Variants in OPCML observed in about 807,000 individuals in gnomAD.
The protein encoded by OPCML is opioid binding protein/cell adhesion molecule like, also known as opioid-binding protein/cell adhesion molecule.
OPCML carries 13 observed loss-of-function variants against 37.8 expected under a neutral mutation model. That is an observed-to-expected ratio of 0.34 (90% confidence interval 0.22 to 0.55). The LOEUF is 0.55. Among genes scored for constraint, OPCML ranks in the 20% least tolerant of loss-of-function variants. The pLI is 0.91. For missense variants in OPCML, 341 were observed against 435.6 expected (o/e 0.78, Z 1.93); for synonymous variants, 176 against 168.8 (o/e 1.04, Z -0.33).
chr11:132,754,851 G>C (rs1164120048), intron 2 of OPCML, among the ~76,000 whole-genome samples: 1 of 152,124 alleles, frequency 6.6e-6, no homozygotes, highest in Non-Finnish European at 1.5e-5. Context: ...CTAGTTTCTG[G>C]AAATCAAGCA....
intron 3 of OPCML, among the ~76,000 whole-genome samples, chr11:132,589,399 A>T (rs2096480466): frequency 6.6e-6 from 1 of 152,188 alleles, no homozygotes; most frequent in African/African-American, 2.4e-5. Context: ...ATTTTGTGCC[A>T]AATACTGAGA....
At chr11:132,930,609 A>G (rs767695734) in intron 2 of OPCML, among the ~76,000 whole-genome samples, 2 of 152,204 alleles carry the variant, frequency 1.3e-5, no homozygotes, top group African/African-American at 4.8e-5. Flanking sequence ...TTTTATTTCC[A>G]ATAGCATCAA....
In OPCML at chr11:133,413,846, C is replaced by CCAATTGG. The variant is rs558330428; in HGVS notation, c.61+118411_61+118417dup. Among the ~76,000 whole-genome samples, 547 of 152,294 alleles carry CCAATTGG rather than the reference C, an allele frequency of 3.6e-3. 3 individuals carry two copies. The highest frequency in any genetic ancestry group is 0.012 in the African/African-American group (514 of 41,554). ...GCTGATAAAGTTCCTTGCACCCAGT[C>CCAATTGG]CAATTGGCTGCCAGAGGACATGCTG... is the stretch of plus-strand genomic sequence containing the variant. On this transcript the variant is annotated intron_variant, in intron 1 of 7. Coordinates refer to ENST00000524381, the MANE Select transcript of OPCML (RefSeq NM_001012393.5).
rs1396840312 is a variant in OPCML, at chr11:133,520,418, GA to G, written c.61+11845del. ...GCAGCCCCTTTCTCCCACGCAAGCAGAAAAACAATGGTGCTAAATCAGTGGT... is the reference window on the plus strand; with the variant it reads ...GCAGCCCCTTTCTCCCACGCAAGCAGAAAACAATGGTGCTAAATCAGTGGT... On this transcript the variant is annotated intron_variant, in intron 1 of 7. Transcript: ENST00000524381. 1.3e-3 allele frequency among the ~76,000 whole-genome samples: 199 copies of G among 151,748 alleles called. 1 individual carries two copies. The highest frequency in any genetic ancestry group is 4.5e-3 in the African/African-American group (187 of 41,524).
intron 1 of OPCML, among the ~76,000 whole-genome samples, chr11:133,482,395 G>T (rs549693251): frequency 6.6e-6 from 1 of 152,332 alleles, no homozygotes; most frequent in Non-Finnish European, 1.5e-5. Flanking sequence ...ATACGGGAAA[G>T]CATGGGTTTT....
intron 1 of OPCML, among the ~76,000 whole-genome samples, chr11:133,326,159 C>T (rs1379199687): frequency 6.6e-6 from 1 of 152,048 alleles, no homozygotes; most frequent in East Asian, 1.9e-4. Context: ...AGTCCTCTTT[C>T]CCTCCAAAAA....
At chr11:132,757,586 G>T (rs180777291) in intron 2 of OPCML, among the ~76,000 whole-genome samples, 1 of 152,084 alleles carries the variant, frequency 6.6e-6, no homozygotes, top group African/African-American at 2.4e-5. Flanking sequence ...TTTTTTAGCC[G>T]CATAAATGTC....
chr11:133,281,724 A>G (rs1393350034), intron 1 of OPCML, among the ~76,000 whole-genome samples: 2 of 152,012 alleles, frequency 1.3e-5, no homozygotes, highest in Non-Finnish European at 2.9e-5. Flanking sequence ...CTTCTTAGAG[A>G]CTGGTTGAAT....
At chr11:132,479,285 T>C (rs1021654411) in intron 4 of OPCML, among the ~76,000 whole-genome samples, 1 of 152,094 alleles carries the variant, frequency 6.6e-6, no homozygotes, top group Non-Finnish European at 1.5e-5. Flanking sequence ...GAAAATCGGG[T>C]CACTCCCACC....
chr11:132,672,747 C>G (rs531819085), intron 2 of OPCML, among the ~76,000 whole-genome samples: 1 of 152,228 alleles, frequency 6.6e-6, no homozygotes, highest in South Asian at 2.1e-4. Flanking sequence ...AGCCCCAACC[C>G]CTCTCTATTA....
intron 1 of OPCML, chr11:133,004,989 G>A (rs1947078641): frequency 1.0e-6 from 1 of 985,252 alleles, no homozygotes; most frequent in South Asian, 4.7e-5. Flanking sequence ...CTGGACTGCT[G>A]CACTCTTACT....
At chr11:132,558,457 G>A (rs1257496551) in intron 3 of OPCML, among the ~76,000 whole-genome samples, 3 of 32,486 alleles carry the variant, frequency 9.2e-5, no homozygotes, top group African/African-American at 4.9e-4. Context: ...TCCCCTACTC[G>A]TCCTCCCCAT....
intron 1 of OPCML, among the ~76,000 whole-genome samples, chr11:133,279,084 C>T (rs531787376): frequency 6.6e-6 from 1 of 152,306 alleles, no homozygotes; most frequent in South Asian, 2.1e-4. Context: ...CACTAGTAGT[C>T]CACGGCTAAT....
intron 2 of OPCML, among the ~76,000 whole-genome samples, chr11:132,695,885 A>G (rs1003846801): frequency 6.6e-6 from 1 of 152,212 alleles, no homozygotes. Context: ...CTCTAGCACA[A>G]GTGTGAACTT....
At chr11:133,248,823 T>C (rs1592140036) in intron 1 of OPCML, among the ~76,000 whole-genome samples, 1 of 152,106 alleles carries the variant, frequency 6.6e-6, no homozygotes, top group African/African-American at 2.4e-5. Flanking sequence ...TTTACAGTCA[T>C]AGCATTTTCA....
At chr11:132,966,785 TTTTA>T (rs1946225015) in intron 1 of OPCML, among the ~76,000 whole-genome samples, 1 of 152,126 alleles carries the variant, frequency 6.6e-6, no homozygotes, top group African/African-American at 2.4e-5. Context: ...GGATTGACCC[TTTTA>T]TCATAGTAAA....
At chr11:132,937,587 GTGTGTGGGGTGT>G (rs1945426628) in intron 2 of OPCML, among the ~76,000 whole-genome samples, 24 of 90,520 alleles carry the variant, frequency 2.7e-4, no homozygotes, top group Admixed American at 9.4e-4. Flanking sequence ...TGTGTGTGGC[GTGTGTGGGGTGT>G]GTGTGTGTGT....
In OPCML at chr11:133,320,479, CTTG is replaced by C. The variant is rs1213910397; in HGVS notation, c.61+211782_61+211784del. Among the ~76,000 whole-genome samples the C allele has an allele frequency of 5.9e-5, 9 of 152,072 alleles. No homozygotes were observed. In the East Asian group the frequency reaches 9.6e-4, roughly 16 times the overall value. On this transcript the variant is annotated intron_variant, in intron 1 of 7. Coordinates refer to ENST00000524381, the MANE Select transcript of OPCML (RefSeq NM_001012393.5). ...TAGTAACCTACCTAACTCAGAGGTT[CTTG>C]TTGTAATTAAATGAGAAAATTAAAT...
chr11:133,008,972 T>C (rs1235287341), intron 1 of OPCML: 3 of 985,282 alleles, frequency 3.0e-6, no homozygotes, highest in Non-Finnish European at 3.6e-6. Flanking sequence ...ACTGAGGAGA[T>C]TAGCATGGAC....
Sources: gnomAD v4.1 joint callset for allele counts (sites outside exome capture counted in the v4.1 genomes callset) on GRCh38, gnomAD v4.1.1 for gene constraint, MANE v1.5 for transcripts, NCBI Gene and HGNC (gene_info 2026-07-23, HGNC 2026-07-21) for gene names.